PLSCR2: variants seen among roughly 807,000 people sequenced by gnomAD.
PLSCR2 encodes PL scramblase 2.
Under a neutral mutation model 25.3 loss-of-function variants are expected in PLSCR2, and 18 were observed. The observed-to-expected ratio is 0.71, with a 90% confidence interval of 0.49 to 1.06. The LOEUF is 1.06. Among genes scored for constraint, PLSCR2 ranks in the 50% least tolerant of loss-of-function variants. The pLI is 0.00. For missense variants in PLSCR2, 243 were observed against 269.5 expected, an observed-to-expected ratio of 0.90 and a Z score of 0.69; for synonymous variants, 88 against 87.3, an observed-to-expected ratio of 1.01 and a Z score of -0.04.
rs570247127 is a variant in PLSCR2 at position 146,495,916 on chromosome 3, G to C, written c.-314C>G. 18 of 1,535,574 alleles carry C rather than the reference G, an allele frequency of 1.2e-5. No individual in the cohort carries two copies. The Admixed American group carries it at 3.1e-4, about 27-fold the overall frequency. ...CTACCTGGGAGGTGAATTTGAAAAG[G>C]CTTCATTCTCCATTCGGCCCACAAT... On this transcript the variant is annotated 5_prime_UTR_variant, in exon 1 of 9. Transcript: ENST00000336685.
upstream of PLSCR2, among the ~76,000 whole-genome samples, chr3:146,463,660 T>C (rs1349863605): frequency 6.6e-6 from 1 of 152,138 alleles, no homozygotes; most frequent in East Asian, 1.9e-4. Flanking sequence ...AATTTTTATC[T>C]TGGACCCATG....
chr3:146,437,626 T>C (rs2108194678), downstream of PLSCR2, among the ~76,000 whole-genome samples: 1 of 152,330 alleles, frequency 6.6e-6, no homozygotes, highest in South Asian at 2.1e-4. Context: ...ATATCCCCTT[T>C]ATCATTTTTT....
intron 3 of PLSCR2, among the ~76,000 whole-genome samples, chr3:146,455,935 G>A (rs1485271778): frequency 1.3e-5 from 2 of 152,154 alleles, no homozygotes; most frequent in African/African-American, 2.4e-5. Context: ...ACTGTTTGGT[G>A]AAAGGCAGTA....
chr3:146,423,324 T>C (rs1032236866), intron 2 of PLSCR2, among the ~76,000 whole-genome samples: 2 of 145,556 alleles, frequency 1.4e-5, no homozygotes, highest in African/African-American at 5.0e-5. Flanking sequence ...TTAACTCTAC[T>C]TAGTTAACAA....
intron 3 of PLSCR2, among the ~76,000 whole-genome samples, chr3:146,394,214 T>A (rs1207549099): frequency 6.6e-6 from 1 of 152,168 alleles, no homozygotes; most frequent in Non-Finnish European, 1.5e-5. Context: ...AGATTTGTCT[T>A]TTTAAAAGAG....
rs1046166044 is a variant in PLSCR2 at position 146,469,135 on chromosome 3, C to T, written c.-292-8851G>A. ...AATGACAGCTTGCAGGCTGTATTAACCGTCCCTTCTAATAGCCCCACTATG... is the reference window on the plus strand; with the variant it reads ...AATGACAGCTTGCAGGCTGTATTAATCGTCCCTTCTAATAGCCCCACTATG... On this transcript the variant is annotated intron_variant, in intron 1 of 8. Transcript: ENST00000336685. 7.1e-6 allele frequency: 7 copies of T among 985,380 alleles called. No homozygotes were observed. In the African/African-American group the frequency reaches 1.2e-4, roughly 17 times the overall value. 61.0% of individuals were successfully genotyped at this position (985,380 alleles called of 1,614,324 possible). A position where few individuals can be genotyped will look rare whatever the true frequency, so the allele number is the denominator to read the frequency against.
At chr3:146,487,624 G>A (rs914773594) in intron 1 of PLSCR2, among the ~76,000 whole-genome samples, 1 of 151,984 alleles carries the variant, frequency 6.6e-6, no homozygotes, top group African/African-American at 2.4e-5. Context: ...GGGATGTGAA[G>A]GACATCTTCA....
At chr3:146,411,197 C>T (rs1412741858) in intron 2 of PLSCR2, among the ~76,000 whole-genome samples, 1 of 152,138 alleles carries the variant, frequency 6.6e-6, no homozygotes, top group African/African-American at 2.4e-5. Flanking sequence ...AGTTCCCCAG[C>T]GTTCTGGGAC....
chr3:146,424,715 G>A (rs1227603267), intron 2 of PLSCR2, among the ~76,000 whole-genome samples: 2 of 152,018 alleles, frequency 1.3e-5, no homozygotes, highest in Admixed American at 6.6e-5. Flanking sequence ...AGTAGTGTGC[G>A]AAAATCTTGA....
At chr3:146,426,671 G>T (rs887571487) in intron 2 of PLSCR2, among the ~76,000 whole-genome samples, 16 of 152,036 alleles carry the variant, frequency 1.1e-4, no homozygotes, top group African/African-American at 3.1e-4. Context: ...TAATATTACG[G>T]AAAGCAGATA....
chr3:146,412,078 A>C (rs1345038535), intron 2 of PLSCR2, among the ~76,000 whole-genome samples: 1 of 152,060 alleles, frequency 6.6e-6, no homozygotes, highest in East Asian at 1.9e-4. Context: ...GAGTTAATTC[A>C]GGTGGAAACA....
downstream of PLSCR2, among the ~76,000 whole-genome samples, chr3:146,431,610 A>G (rs189410911): frequency 2.6e-5 from 4 of 152,328 alleles, no homozygotes; most frequent in Non-Finnish European, 5.9e-5. Flanking sequence ...ACAATAATTG[A>G]GTGGAAAGAA....
chr3:146,402,827 T>C (rs2038523901), intron 2 of PLSCR2, among the ~76,000 whole-genome samples: 1 of 152,200 alleles, frequency 6.6e-6, no homozygotes, highest in African/African-American at 2.4e-5. Context: ...TTCTTCATTT[T>C]TAATGATTCT....
In PLSCR2 at chr3:146,480,599, A is replaced by G. The variant is rs547403058; in HGVS notation, c.-293+15296T>C. On this transcript the variant is annotated intron_variant, in intron 1 of 8. Coordinates refer to the PLSCR2 transcript ENST00000336685. ...TCTGAAATTGAGGCAATAATAGCCTACCAATGAAAAAGAGTCCAGGACCAG... is the reference window on the plus strand; with the variant it reads ...TCTGAAATTGAGGCAATAATAGCCTGCCAATGAAAAAGAGTCCAGGACCAG... Among the ~76,000 whole-genome samples, 177 of 152,044 alleles carry G rather than the reference A, an allele frequency of 1.2e-3. 1 individual carries two copies. Among genetic ancestry groups the G allele is most frequent in the Middle Eastern group, 0.01 (3 of 294 alleles).
chr3:146,487,644 A>G (rs977679575), intron 1 of PLSCR2, among the ~76,000 whole-genome samples: 4 of 152,176 alleles, frequency 2.6e-5, no homozygotes, highest in Non-Finnish European at 4.4e-5. Context: ...AAGAAGAACT[A>G]CAAACCATTG....
intron 1 of PLSCR2, among the ~76,000 whole-genome samples, chr3:146,475,901 C>T (rs2042268260): frequency 6.6e-6 from 1 of 151,976 alleles, no homozygotes; most frequent in Admixed American, 6.6e-5. Flanking sequence ...TGCACATTTC[C>T]TTCTAAATTT....
At chr3:146,441,786 C>T in exon 7 of PLSCR2, 1 of 1,588,674 alleles carries the variant, frequency 6.3e-7, no homozygotes, top group Non-Finnish European at 8.6e-7. Flanking sequence ...TCTGACATTC[C>T]AGTCATTACC....
downstream of PLSCR2, among the ~76,000 whole-genome samples, chr3:146,437,370 C>T (rs111412422): frequency 2.0e-5 from 3 of 152,112 alleles, no homozygotes; most frequent in East Asian, 1.9e-4. Context: ...CCTCTTTGTA[C>T]GTCTGGTAGA....
rs538860695 is a variant in PLSCR2 at position 146,478,548 on chromosome 3, G to A, written c.-293+17347C>T. ...TGTGAATACAATTTTAGAGAAAAAAGAGTAAAAAGAAACTAAAAAAAGCCT... is the reference window on the plus strand; with the variant it reads ...TGTGAATACAATTTTAGAGAAAAAAAAGTAAAAAGAAACTAAAAAAAGCCT... On this transcript the variant is annotated intron_variant, in intron 1 of 8. Transcript: ENST00000336685. Among the ~76,000 whole-genome samples the A allele has an allele frequency of 1.3e-4, 20 of 152,260 alleles. No homozygotes were observed. In the South Asian group the frequency reaches 3.7e-3, roughly 28 times the overall value.
Sources: gnomAD v4.1 joint callset for allele counts (sites outside exome capture counted in the v4.1 genomes callset) on GRCh38, gnomAD v4.1.1 for gene constraint, MANE v1.5 for transcripts, NCBI Gene and HGNC (gene_info 2026-07-23, HGNC 2026-07-21) for gene names.